COLGALT2: variants seen among roughly 807,000 people sequenced by gnomAD.
COLGALT2 encodes procollagen galactosyltransferase 2.
In COLGALT2, 49 loss-of-function variants were observed where a neutral mutation model predicts 73.4. The observed-to-expected ratio is 0.67, with a 90% CI of 0.53 to 0.85. The LOEUF is 0.85. Among genes scored for constraint, COLGALT2 ranks in the 40% least tolerant of loss-of-function variants. COLGALT2 has a pLI of 0.00. For missense variants in COLGALT2, 722 were observed against 790.2 expected (o/e 0.91, Z 1.03); for synonymous variants, 295 against 307.6 (o/e 0.96, Z 0.43).
chr1:184,033,197 C>T (rs569385344), intron 1 of COLGALT2, among the ~76,000 whole-genome samples: 195 of 152,324 alleles, frequency 1.3e-3, no homozygotes, highest in Non-Finnish European at 2.0e-3. Flanking sequence ...TTTTTCCCTG[C>T]GCCATGCTTC....
intron 1 of COLGALT2, among the ~76,000 whole-genome samples, chr1:183,981,599 G>A (rs1259890053): frequency 6.6e-6 from 1 of 152,198 alleles, no homozygotes; most frequent in Non-Finnish European, 1.5e-5. Flanking sequence ...GGAGATTGCA[G>A]TCAGCCGAGA....
At chr1:184,022,891 T>C (rs973389564) in intron 1 of COLGALT2, among the ~76,000 whole-genome samples, 1 of 152,186 alleles carries the variant, frequency 6.6e-6, no homozygotes, top group African/African-American at 2.4e-5. Flanking sequence ...GAAACCTTCC[T>C]TAAGAAACTC....
intron 1 of COLGALT2, among the ~76,000 whole-genome samples, chr1:184,013,542 A>G (rs1648881582): frequency 6.6e-6 from 1 of 152,210 alleles, no homozygotes; most frequent in Non-Finnish European, 1.5e-5. Context: ...GCAGTTCAAC[A>G]TGATTGCAGC....
intron 1 of COLGALT2, among the ~76,000 whole-genome samples, chr1:184,013,242 T>A (rs1258968347): frequency 6.6e-6 from 1 of 152,074 alleles, no homozygotes; most frequent in Non-Finnish European, 1.5e-5. Flanking sequence ...TTGAACCTGG[T>A]AGACAGAGAT....
downstream of COLGALT2, among the ~76,000 whole-genome samples, chr1:183,931,850 G>T (rs950965416): frequency 7.5e-6 from 1 of 133,988 alleles, no homozygotes. Flanking sequence ...TTTCTGAATT[G>T]TTCCTGCCAT....
intron 1 of COLGALT2, among the ~76,000 whole-genome samples, chr1:183,982,229 G>T (rs1273659718): frequency 6.6e-6 from 1 of 152,182 alleles, no homozygotes; most frequent in Non-Finnish European, 1.5e-5. Context: ...AGGTGAGCAT[G>T]TTAGGACCAA....
At chr1:184,009,812 C>G (rs867147807) in intron 1 of COLGALT2, among the ~76,000 whole-genome samples, 1 of 152,190 alleles carries the variant, frequency 6.6e-6, no homozygotes, top group Non-Finnish European at 1.5e-5. Context: ...TCTGACTTCT[C>G]TTCCTGCCTC....
chr1:183,958,109 T>G (rs917632017), intron 6 of COLGALT2, among the ~76,000 whole-genome samples: 5 of 152,146 alleles, frequency 3.3e-5, no homozygotes, highest in African/African-American at 1.2e-4. Context: ...AAATTCTCTG[T>G]GCAGCTTCTA....
intron 8 of COLGALT2, among the ~76,000 whole-genome samples, chr1:183,948,970 T>C (rs548439754): frequency 6.6e-6 from 1 of 152,294 alleles, no homozygotes; most frequent in East Asian, 1.9e-4. Context: ...ACTAAGGAAA[T>C]AGTTCCATGT....
At chr1:183,998,590 A>G (rs1671831243) in intron 1 of COLGALT2, among the ~76,000 whole-genome samples, 1 of 152,126 alleles carries the variant, frequency 6.6e-6, no homozygotes, top group Non-Finnish European at 1.5e-5. Flanking sequence ...AAATCTTATA[A>G]TCAGCATCTC....
chr1:184,001,313 C>T (rs1488925930), intron 1 of COLGALT2, among the ~76,000 whole-genome samples: 1 of 151,922 alleles, frequency 6.6e-6, no homozygotes, highest in Non-Finnish European at 1.5e-5. Context: ...CAAGTTGTGG[C>T]TTTCTTTTTA....
chr1:184,016,787 A>G (rs1285384771), intron 1 of COLGALT2, among the ~76,000 whole-genome samples: 1 of 152,246 alleles, frequency 6.6e-6, no homozygotes, highest in Non-Finnish European at 1.5e-5. Context: ...TGCCACAAGC[A>G]TTCAAAACTC....
intron 1 of COLGALT2, among the ~76,000 whole-genome samples, chr1:183,995,892 ATTTTTACTCC>A (rs1350829427): frequency 6.6e-6 from 1 of 151,906 alleles, no homozygotes; most frequent in Admixed American, 6.5e-5. Context: ...TTATTATTAT[ATTTTTACTCC>A]TTTTTACTCC....
chr1:183,981,350 T>C (rs1292889577), intron 1 of COLGALT2, among the ~76,000 whole-genome samples: 1 of 152,082 alleles, frequency 6.6e-6, no homozygotes, highest in Non-Finnish European at 1.5e-5. Flanking sequence ...TTAAAATAAA[T>C]TGAAAGTAAA....
chr1:184,034,174 A>G (rs1380459412), intron 1 of COLGALT2, among the ~76,000 whole-genome samples: 1 of 152,184 alleles, frequency 6.6e-6, no homozygotes, highest in Non-Finnish European at 1.5e-5. Flanking sequence ...AGCACTTCCA[A>G]AGAGATTCTA....
chr1:183,968,148 G>A (rs574974553), intron 5 of COLGALT2, among the ~76,000 whole-genome samples: 6 of 152,224 alleles, frequency 3.9e-5, no homozygotes, highest in Non-Finnish European at 7.4e-5. Flanking sequence ...TCAGTTATAT[G>A]GCCACAGTGA....
intron 10 of COLGALT2, 50 bp from the exon 11 acceptor site, chr1:183,940,837 T>C (rs767558478): frequency 1.7e-5 from 25 of 1,471,482 alleles, no homozygotes; most frequent in Middle Eastern, 1.9e-4. Flanking sequence ...TATTATGCCA[T>C]GATAAGGATG....
Position 183,936,798 on chromosome 1 carries a change from T to G in COLGALT2, c.*1963A>C. 8.1e-7 allele frequency: 1 copy of G among 1,231,586 alleles called. No individual in the cohort carries two copies. The highest frequency in any genetic ancestry group is 3.2e-5 in the East Asian group (1 of 31,696). 76.3% of individuals were successfully genotyped at this position (1,231,586 alleles called of 1,614,324 possible). ...ACAGCTAAGTCTAAGCGGCACAATT[T>G]AGAGTTGGGTGAGTTCCCTTTCCTC... On this transcript the variant is annotated 3_prime_UTR_variant, in exon 12 of 12. Transcript: ENST00000361927.
At position 183,963,972 on chromosome 1, in the gene COLGALT2, A is replaced by AT. The variant is rs1670794895; in HGVS notation, c.880dup (p.Ile294AsnfsTer22). ...CAGTGTCTGATGGGGCTTCAGGGGG[A>AT]TGGGCAGGTAGCCATAGTGCTCTCT... On this transcript the variant is annotated frameshift_variant, in exon 6 of 12. Coordinates refer to ENST00000361927, the MANE Select transcript of COLGALT2 (RefSeq NM_015101.4). LOFTEE classifies it high-confidence loss of function. 6.2e-7 allele frequency: 1 copy of AT among 1,613,032 alleles called. No individual in the cohort carries two copies. The highest frequency in any genetic ancestry group is 8.5e-7 in the Non-Finnish European group (1 of 1,179,442).
Sources: gnomAD v4.1 joint callset for allele counts (sites outside exome capture counted in the v4.1 genomes callset) on GRCh38, gnomAD v4.1.1 for gene constraint, MANE v1.5 for transcripts, NCBI Gene and HGNC (gene_info 2026-07-23, HGNC 2026-07-21) for gene names.